TRIQK: variants seen among roughly 807,000 people sequenced by gnomAD.
TRIQK encodes triple QxxK/R motif-containing protein.
In TRIQK, 10 loss-of-function variants were observed where a neutral mutation model predicts 10.8. The observed-to-expected ratio is 0.92, with a 90% confidence interval of 0.57 to 1.57. The LOEUF is 1.57. TRIQK is among the 40% of genes most tolerant of loss of function. The pLI, the probability that TRIQK is intolerant of heterozygous loss-of-function variation, is 0.00. For synonymous variants in TRIQK, 33 were observed against 33.7 expected (o/e 0.98, Z 0.07); for missense variants, 107 against 97.7 (o/e 1.09, Z -0.40).
intron 1 of TRIQK, among the ~76,000 whole-genome samples, chr8:93,005,651 C>T (rs777248562): frequency 3.9e-5 from 6 of 152,124 alleles, no homozygotes; most frequent in African/African-American, 9.7e-5. Flanking sequence ...ATAGAAGGTA[C>T]GTACCTCAGC....
At chr8:92,958,730 C>G (rs10097269) in intron 1 of TRIQK, among the ~76,000 whole-genome samples, 19,688 of 151,910 alleles carry the variant, frequency 0.13, 1,308 homozygotes, top group East Asian at 0.18. Flanking sequence ...GAAAAGTACA[C>G]TATGTCTTAC....
At chr8:92,911,718 A>T (rs939164814) in intron 3 of TRIQK, among the ~76,000 whole-genome samples, 3 of 151,184 alleles carry the variant, frequency 2.0e-5, no homozygotes. Flanking sequence ...TTAACTTAAC[A>T]GGAAGATATA....
intron 3 of TRIQK, among the ~76,000 whole-genome samples, chr8:92,902,955 A>G (rs1313366837): frequency 2.6e-5 from 4 of 152,002 alleles, no homozygotes; most frequent in Admixed American, 1.3e-4. Flanking sequence ...TAAAATATAT[A>G]CCTAACTTTC....
chr8:92,975,231 C>T (rs116450919), intron 1 of TRIQK, among the ~76,000 whole-genome samples: 80 of 152,354 alleles, frequency 5.3e-4, no homozygotes, highest in African/African-American at 1.9e-3. Flanking sequence ...TGAAAGTATT[C>T]ACTTTTCTTC....
At chr8:92,891,859 T>C (rs3780016) in intron 4 of TRIQK, 130 bp downstream of exon 4, 639,367 of 671,012 alleles carry the variant, frequency 0.95, 306,164 homozygotes, top group Admixed American at 0.98. Context: ...CAAAAACCTT[T>C]AAGTCTGGCA....
At chr8:92,978,951 A>G (rs1404598386) in intron 1 of TRIQK, among the ~76,000 whole-genome samples, 3 of 152,098 alleles carry the variant, frequency 2.0e-5, no homozygotes, top group African/African-American at 7.2e-5. Flanking sequence ...GATCCAATGA[A>G]CACTTATTGC....
intron 2 of TRIQK, among the ~76,000 whole-genome samples, chr8:92,945,738 T>C (rs925264883): frequency 2.6e-5 from 4 of 152,178 alleles, no homozygotes; most frequent in Non-Finnish European, 5.9e-5. Context: ...ATTCTAGTTT[T>C]AGCATTTGCC....
At chr8:92,927,434 A>T (rs913794752) in intron 2 of TRIQK, among the ~76,000 whole-genome samples, 2 of 152,178 alleles carry the variant, frequency 1.3e-5, no homozygotes, top group African/African-American at 4.8e-5. Context: ...GTAAAAAAAA[A>T]ACAAATAACA....
At chr8:92,900,249 A>G (rs756988618) in intron 3 of TRIQK, among the ~76,000 whole-genome samples, 15 of 152,044 alleles carry the variant, frequency 9.9e-5, no homozygotes, top group Non-Finnish European at 2.1e-4. Context: ...GCTTTTTAAT[A>G]TGATGTAATC....
At chr8:92,958,632 T>C (rs940242846) in intron 1 of TRIQK, among the ~76,000 whole-genome samples, 1 of 151,966 alleles carries the variant, frequency 6.6e-6, no homozygotes, top group Non-Finnish European at 1.5e-5. Context: ...GAGGTTAACC[T>C]TAACCCATAT....
intron 1 of TRIQK, among the ~76,000 whole-genome samples, chr8:93,016,025 A>G (rs1032038039): frequency 6.6e-6 from 1 of 152,194 alleles, no homozygotes; most frequent in Non-Finnish European, 1.5e-5. Context: ...TAATAAATAT[A>G]ATGTATGTTA....
intron 3 of TRIQK, among the ~76,000 whole-genome samples, chr8:92,915,778 C>T (rs918817898): frequency 6.2e-5 from 5 of 80,878 alleles, no homozygotes; most frequent in Admixed American, 5.3e-4. Flanking sequence ...GGATTACTGG[C>T]GTTAAGTCAC....
At chr8:92,950,349 T>C (rs1472192900) in intron 2 of TRIQK, among the ~76,000 whole-genome samples, 1 of 151,870 alleles carries the variant, frequency 6.6e-6, no homozygotes, top group Non-Finnish European at 1.5e-5. Context: ...TGTATGTATT[T>C]ACATACTTAG....
intron 1 of TRIQK, among the ~76,000 whole-genome samples, chr8:92,958,958 C>A (rs1401350167): frequency 6.6e-6 from 1 of 151,964 alleles, no homozygotes; most frequent in Non-Finnish European, 1.5e-5. Flanking sequence ...ATAGACAATA[C>A]GTAAACAAAT....
At chr8:92,950,740 C>T (rs1200109490) in intron 2 of TRIQK, among the ~76,000 whole-genome samples, 1 of 152,152 alleles carries the variant, frequency 6.6e-6, no homozygotes, top group Non-Finnish European at 1.5e-5. Flanking sequence ...AGGTCTAACA[C>T]ATAATAGCAA....
At chr8:93,008,225 C>A (rs1329457840) in intron 1 of TRIQK, among the ~76,000 whole-genome samples, 1 of 152,098 alleles carries the variant, frequency 6.6e-6, no homozygotes, top group Admixed American at 6.6e-5. Flanking sequence ...GTGCAGCAAA[C>A]CACCATGGCA....
intron 1 of TRIQK, among the ~76,000 whole-genome samples, chr8:92,977,392 C>A (rs551842049): frequency 1.3e-5 from 2 of 151,918 alleles, no homozygotes; most frequent in Admixed American, 6.6e-5. Flanking sequence ...AATTTCAAAT[C>A]GATTTTTTTG....
chr8:92,936,062 T>C lies in TRIQK; in HGVS notation c.-22+18344A>G, dbSNP rs188642429. Among the ~76,000 whole-genome samples, 537 of 151,720 alleles carry C rather than the reference T, an allele frequency of 3.5e-3. 3 individuals carry two copies. The highest frequency in any genetic ancestry group is 5.7e-3 in the Non-Finnish European group (387 of 67,598). On this transcript the variant is annotated intron_variant, in intron 2 of 4. Transcript: ENST00000521988. ...TCCCTACAACAAGCTTTATCAGGTA[T>C]ATAAAATATTAAACTATTTTGAAGC...
intron 3 of TRIQK, among the ~76,000 whole-genome samples, chr8:92,915,253 T>A (rs2130446415): frequency 6.6e-6 from 1 of 152,160 alleles, no homozygotes; most frequent in African/African-American, 2.4e-5. Context: ...AAAGTTGCAA[T>A]TATGTAGGAT....
Sources: allele counts gnomAD v4.1 joint callset (sites outside exome capture counted in the v4.1 genomes callset), GRCh38; gene constraint gnomAD v4.1.1; transcripts MANE v1.5; gene names NCBI Gene and HGNC (gene_info 2026-07-23, HGNC 2026-07-21).